Variants in CASK observed in about 807,000 individuals in gnomAD.
The protein encoded by CASK is calcium/calmodulin dependent serine protein kinase.
Under a neutral mutation model 82.9 loss-of-function variants are expected in CASK, and 4 were observed. The ratio of observed to expected loss-of-function variants is 0.05; its 90% CI spans 0.02 to 0.11. The LOEUF (loss-of-function observed/expected upper bound fraction) is 0.11, where lower values mean the gene tolerates loss of function less well. CASK is among the 10% of genes least tolerant of loss of function. The pLI is 1.00. For missense variants in CASK, 358 were observed against 720.9 expected (o/e 0.50, Z 5.76); for synonymous variants, 259 against 253.5 (o/e 1.02, Z -0.20).
chrX:41,672,534 C>T (rs2067210513), intron 5 of CASK, among the ~76,000 whole-genome samples: 1 of 111,250 alleles, frequency 9.0e-6, no homozygotes, highest in Non-Finnish European at 1.9e-5. Context: ...TTTTCTCATT[C>T]ATAAAAGGAC....
At position 41,923,428 on chromosome X, in the gene CASK, G is replaced by A. The variant is rs2072824389; in HGVS notation, c.-440C>T. The A allele has an allele frequency of 1.8e-5, 2 of 111,442 alleles. No homozygotes were observed. Among genetic ancestry groups the A allele is most frequent in the South Asian group, 3.5e-4 (1 of 2,853 alleles). The allele number at this position is 111,442 out of a possible 1,213,427, so 9.2% of individuals were successfully genotyped here. On this transcript the variant is annotated 5_prime_UTR_variant, in exon 1 of 27. Coordinates refer to ENST00000378163, the MANE Select transcript of CASK (RefSeq NM_001367721.1). ...ACAGAGGGGGCCGCGGCAGGACCAT[G>A]GAGCGAGGATCGCCGCGGAGGGAGG...
intron 14 of CASK, among the ~76,000 whole-genome samples, chrX:41,579,938 G>T (rs5964015): frequency 0.024 from 2,687 of 111,688 alleles, 91 homozygotes; most frequent in African/African-American, 0.083. Context: ...AATGGAAATG[G>T]CAGATATTTT....
At chrX:41,822,204 CCTT>C (rs1312050015) in intron 2 of CASK, among the ~76,000 whole-genome samples, 161 of 112,256 alleles carry the variant, frequency 1.4e-3, no homozygotes, top group African/African-American at 5.1e-3. Flanking sequence ...TTGTATTGCA[CCTT>C]CTTATTTCTT....
chrX:41,662,006 A>G (rs1168503382), intron 7 of CASK, among the ~76,000 whole-genome samples: 3 of 111,188 alleles, frequency 2.7e-5, no homozygotes. Context: ...AGGGGTGGTA[A>G]GATTTCTGAA....
chrX:41,520,656 G>A lies in CASK; in HGVS notation c.2605-60C>T, dbSNP rs2064623996. ...TGAGAGGAGGGAAAAGCAAACAGAA[G>A]AGAGAAATCAGTTGGATTCGTTCTC... On this transcript the variant is annotated intron_variant, in intron 26 of 26. Coordinates refer to ENST00000378163, the MANE Select transcript of CASK (RefSeq NM_001367721.1). 3.1e-6 allele frequency: 3 copies of A among 963,698 alleles called. No homozygotes were observed. The African/African-American group carries it at 5.7e-5, about 18-fold the overall frequency. The allele number at this position is 963,698 out of a possible 1,213,427, so 79.4% of individuals were successfully genotyped here.
At chrX:41,626,483 C>A in intron 10 of CASK, 121 bp downstream of exon 10, 1 of 530,124 alleles carries the variant, frequency 1.9e-6, no homozygotes, top group South Asian at 2.5e-5. Flanking sequence ...TGCTGACAAA[C>A]TTCCTTAGAA....
intron 3 of CASK, among the ~76,000 whole-genome samples, chrX:41,783,343 T>A (rs1049530535): frequency 1.8e-5 from 2 of 109,940 alleles, no homozygotes; most frequent in Non-Finnish European, 3.8e-5. Context: ...GGCAAGCAGA[T>A]CACCTGAGGT....
At chrX:41,758,251 G>A (rs1430432010) in intron 3 of CASK, among the ~76,000 whole-genome samples, 4 of 109,870 alleles carry the variant, frequency 3.6e-5, no homozygotes, top group African/African-American at 1.3e-4. Flanking sequence ...CCTGGCCAAC[G>A]TGGTGAAACC....
At chrX:41,828,515 C>T (rs905724268) in intron 2 of CASK, among the ~76,000 whole-genome samples, 1 of 111,818 alleles carries the variant, frequency 8.9e-6, no homozygotes, top group Non-Finnish European at 1.9e-5. Context: ...TGGTGAAGCT[C>T]CTCAGAAACC....
intron 2 of CASK, among the ~76,000 whole-genome samples, chrX:41,841,433 A>G (rs747905828): frequency 1.8e-5 from 2 of 108,786 alleles, no homozygotes; most frequent in African/African-American, 3.4e-5. Context: ...AGTTCTTTGT[A>G]TATCTGAGAT....
At position 41,515,512 on chromosome X, in the gene CASK, T is replaced by C. The variant is rs2064532249; in HGVS notation, c.*4908A>G. ...CCAGAACTGAGTTTGAATGGCGACG[T>C]GCCTACACTGCAATTAAACACGATA... On this transcript the variant is annotated 3_prime_UTR_variant, in exon 27 of 27. Transcript: ENST00000378163. 8.9e-6 allele frequency: 1 copy of C among 112,089 alleles called. No individual in the cohort carries two copies. Among genetic ancestry groups the C allele is most frequent in the Non-Finnish European group, 1.9e-5 (1 of 53,197 alleles). 9.2% of individuals were successfully genotyped at this position (112,089 alleles called of 1,213,427 possible).
chrX:41,605,134 C>A (rs1169747997), intron 12 of CASK, among the ~76,000 whole-genome samples: 2 of 111,460 alleles, frequency 1.8e-5, no homozygotes, highest in African/African-American at 6.5e-5. Context: ...TTTTTGTCAG[C>A]CTTAAAATTA....
At chrX:41,625,257 C>T (rs753866180) in intron 10 of CASK, among the ~76,000 whole-genome samples, 17 of 100,732 alleles carry the variant, frequency 1.7e-4, no homozygotes, top group Non-Finnish European at 2.4e-4. Context: ...GTGATCTCGG[C>T]TCACTGCAAG....
At chrX:41,718,582 C>T (rs147371494) in intron 5 of CASK, among the ~76,000 whole-genome samples, 157 of 112,475 alleles carry the variant, frequency 1.4e-3, no homozygotes, top group South Asian at 7.7e-3. Context: ...AATCCCCACA[C>T]ATTTGGTCAC....
intron 16 of CASK, among the ~76,000 whole-genome samples, chrX:41,565,120 C>A (rs1450829149): frequency 9.0e-6 from 1 of 111,705 alleles, no homozygotes; most frequent in Non-Finnish European, 1.9e-5. Context: ...TAAATGCCCA[C>A]AAGAGAAAGC....
At chrX:41,626,332 TG>T in intron 10 of CASK, among the ~76,000 whole-genome samples, 1 of 110,491 alleles carries the variant, frequency 9.1e-6, no homozygotes, top group East Asian at 2.8e-4. Context: ...AGTGCAATGC[TG>T]GGTCTAGAGT....
chrX:41,646,843 G>A (rs2066766896), intron 8 of CASK, among the ~76,000 whole-genome samples: 1 of 111,756 alleles, frequency 8.9e-6, no homozygotes, highest in Non-Finnish European at 1.9e-5. Context: ...CAGGAAAAGT[G>A]TAATGTTGGT....
chrX:41,579,604 A>G (rs1200697283), intron 14 of CASK, among the ~76,000 whole-genome samples: 3 of 112,188 alleles, frequency 2.7e-5, no homozygotes, highest in Non-Finnish European at 5.6e-5. Context: ...ACAGCTATCA[A>G]AATGTCTGGA....
At position 41,520,589 on chromosome X, in the gene CASK, G is replaced by C. The variant is rs1266324025; in HGVS notation, c.2612C>G (p.Ser871Cys). 8.3e-7 allele frequency: 1 copy of C among 1,202,725 alleles called. No individual in the cohort carries two copies. Among genetic ancestry groups the C allele is most frequent in the South Asian group, 1.8e-5 (1 of 56,813 alleles). ...AGACTCCTTCTGCAGACGCTGAAGA[G>C]ATTCATCCTAAATGGTGATGAGATG... Reference protein sequence around the residue: ...TITPGLNEDESLQRLQKESDI... With the variant: ...TITPGLNEDECLQRLQKESDI... Residue 871 changes from serine to cysteine, a missense_variant, in exon 27 of 27, where the codon TCT becomes TGT. Ser to Cys is a moderately radical substitution (Grantham distance 112, BLOSUM62 -1). Transcript: ENST00000378163.
Sources: gnomAD v4.1 joint callset for allele counts (sites outside exome capture counted in the v4.1 genomes callset) on GRCh38, gnomAD v4.1.1 for gene constraint, MANE v1.5 for transcripts, NCBI Gene and HGNC (gene_info 2026-07-23, HGNC 2026-07-21) for gene names.